NLRP14: variants seen among roughly 807,000 people sequenced by gnomAD.
The protein encoded by NLRP14 is NACHT, LRR and PYD domains-containing protein 14.
NLRP14 carries 105 observed loss-of-function variants against 94.7 expected under a neutral mutation model. The observed-to-expected ratio is 1.11, with a 90% CI of 0.95 to 1.30. The LOEUF (loss-of-function observed/expected upper bound fraction) is 1.30, where lower values mean the gene tolerates loss of function less well. Ranked by LOEUF, NLRP14 falls within the 50% of genes most tolerant of loss-of-function variation. NLRP14 has a pLI of 0.00. For missense variants in NLRP14, 1,362 were observed against 1,254.1 expected (o/e 1.09, Z -1.30); for synonymous variants, 508 against 459.9 (o/e 1.10, Z -1.34).
At chr11:7,081,543 C>T in the NLRP14 span, among the ~76,000 whole-genome samples, 5 of 151,812 alleles carry the variant, frequency 3.3e-5, no homozygotes, top group African/African-American at 1.2e-4. Context: ...ACATCTTATC[C>T]TTGTTGGCAA....
At chr11:7,077,967 G>T in the NLRP14 span, among the ~76,000 whole-genome samples, 2 of 152,072 alleles carry the variant, frequency 1.3e-5, no homozygotes, top group South Asian at 2.1e-4. Context: ...GGGGACCCTG[G>T]GGTTGTTTAA....
rs879051924 is a variant in NLRP14, at chr11:7,043,379, GT to G, written c.1355del (p.Leu452Ter). 6.2e-7 allele frequency: 1 copy of G among 1,614,160 alleles called. No individual in the cohort carries two copies. The highest frequency in any genetic ancestry group is 1.1e-5 in the South Asian group (1 of 91,074). On this transcript the variant is annotated frameshift_variant, in exon 4 of 12. Transcript: ENST00000299481. LOFTEE classifies it high-confidence loss of function. Reference sequence around the variant, plus strand: ...ACAGAGAAAATCTCAGAAGGCTTGGGTTAACTCAATCTGATGTCTCTAGTTT... The same window carrying G: ...ACAGAGAAAATCTCAGAAGGCTTGGGTAACTCAATCTGATGTCTCTAGTTT... ...FYRENLRRLG[L>X]TQSDVSSFMD...
At chr11:7,090,012 A>G in the NLRP14 span, 1 of 1,612,758 alleles carries the variant, frequency 6.2e-7, no homozygotes, top group Middle Eastern at 1.6e-4. Flanking sequence ...AGGACGGGGG[A>G]CACCGCCATC....
At chr11:7,037,349 A>G (rs537804085) in intron 1 of NLRP14, among the ~76,000 whole-genome samples, 3 of 152,310 alleles carry the variant, frequency 2.0e-5, no homozygotes, top group Non-Finnish European at 4.4e-5. Flanking sequence ...TTTCGAGACA[A>G]TTCACCTTCT....
chr11:7,088,884 A>T, the NLRP14 span: 1 of 564,670 alleles, frequency 1.8e-6, no homozygotes, highest in Non-Finnish European at 3.2e-6. Context: ...AAAGACTGAA[A>T]AGGAGACACA....
chr11:7,046,685 C>G lies in NLRP14; in HGVS notation c.1976C>G (p.Thr659Ser), dbSNP rs199475882. The change falls in exon 5 of 12, where the codon ACT (threonine) becomes AGT (serine). Residue 659 changes from threonine (T) to serine (S), a missense_variant. By Grantham distance (58) the Thr-to-Ser change is moderately conservative. Transcript: ENST00000299481. ...PTNTWDGDRI[T>S]HCWQDLCSVL... is the part of the protein sequence containing the mutation. ...ATGCAAAGGGATGGTGATCGCATTACTCACTGTTGGCAAGATCTCTGTTCT... is the reference window on the plus strand; with the variant it reads ...ATGCAAAGGGATGGTGATCGCATTAGTCACTGTTGGCAAGATCTCTGTTCT... 3 of 1,613,638 alleles carry G rather than the reference C, an allele frequency of 1.9e-6. No homozygotes were observed. The highest frequency in any genetic ancestry group is 1.1e-5 in the South Asian group (1 of 91,078).
chr11:7,062,264 A>G lies in NLRP14; in HGVS notation c.2805-69A>G, dbSNP rs1852633701. On this transcript the variant is annotated intron_variant, in intron 9 of 11. Transcript: ENST00000299481. ...AAAAGAGGTTCAAATACCTGGGTAT[A>G]TCTCCTAGGAAGAAACTTATTTAAC... 10 of 1,321,932 alleles carry G rather than the reference A, an allele frequency of 7.6e-6. 1 individual carries two copies. In the South Asian group the frequency reaches 9.4e-5, roughly 12 times the overall value. 81.9% of individuals were successfully genotyped at this position (1,321,932 alleles called of 1,614,324 possible).
At chr11:7,056,566 A>G (rs1033552316) in intron 6 of NLRP14, among the ~76,000 whole-genome samples, 2 of 151,326 alleles carry the variant, frequency 1.3e-5, no homozygotes, top group African/African-American at 4.8e-5. Context: ...TGGGAAGGAT[A>G]AGAGAAAATG....
chr11:7,041,543 G>C (rs1340984576), intron 3 of NLRP14, among the ~76,000 whole-genome samples: 1 of 152,064 alleles, frequency 6.6e-6, no homozygotes, highest in African/African-American at 2.4e-5. Context: ...AAGTTGTAAA[G>C]TACTCAATTA....
intron 2 of NLRP14, 115 bp downstream of exon 2, chr11:7,038,990 G>A: frequency 2.1e-6 from 2 of 954,454 alleles, no homozygotes; most frequent in Admixed American, 3.2e-5. Flanking sequence ...GGGGACATAA[G>A]CTCCATGGTG....
At position 7,039,731 on chromosome 11, in the gene NLRP14, G is replaced by T; in HGVS notation, c.307G>T (p.Gly103Ter). 1 of 1,613,968 alleles carries T rather than the reference G, an allele frequency of 6.2e-7. No individual in the cohort carries two copies. Among genetic ancestry groups the T allele is most frequent in the Non-Finnish European group, 8.5e-7 (1 of 1,179,870 alleles). ...EEINWSAQTI[G>*]PDDAKAGETQ... is the part of the protein sequence containing the mutation. ...TGTTGCAGGGTCGGCCCAGACTATA[G>T]GACCAGATGATGCCAAGGCTGGAGA... Residue 103 changes from glycine (G) to a stop codon, truncating the protein, a stop_gained, in exon 3 of 12, where the codon GGA (glycine) becomes TGA (stop). Transcript: ENST00000299481. LOFTEE classifies it high-confidence loss of function.
rs376413939 is a variant in NLRP14, at chr11:7,059,968, C to T, written c.2708C>T (p.Thr903Met). The T allele has an allele frequency of 4.7e-5, 76 of 1,612,392 alleles. No homozygotes were observed. The African/African-American group carries it at 9.5e-4, about 20-fold the overall frequency. ...STSLLHNKSL[T>M]HLDLGSNWLQ... ...TCTCTTCTACACAACAAGAGCCTGA[C>T]GCATCTGGATCTAGGATCAAACTGG... The change falls in exon 9 of 12, where the codon ACG becomes ATG. Residue 903 changes from threonine (T) to methionine (M), a missense_variant. Thr to Met is a moderately conservative substitution (Grantham distance 81). Coordinates refer to ENST00000299481, the MANE Select transcript of NLRP14 (RefSeq NM_176822.4).
chr11:7,020,912 G>A (rs1416558089), intron 1 of NLRP14, 142 bp downstream of exon 1: 2 of 152,370 alleles, frequency 1.3e-5, no homozygotes, highest in African/African-American at 4.8e-5. Context: ...ACGCACAGTG[G>A]AGCTGAAATG....
At chr11:7,070,139 G>A (rs1439205735) in intron 10 of NLRP14, 147 bp from the exon 11 acceptor site, 1 of 647,304 alleles carries the variant, frequency 1.5e-6, no homozygotes, top group Admixed American at 2.3e-5. Flanking sequence ...AATATTATAG[G>A]TACTTATAGT....
rs926863199 is a variant in NLRP14 at position 7,068,167 on chromosome 11, A to T, written c.2976-2119A>T. 2.6e-5 allele frequency among the ~76,000 whole-genome samples: 4 copies of T among 151,958 alleles called. No individual in the cohort carries two copies. In the East Asian group the frequency reaches 5.8e-4, roughly 22 times the overall value. On this transcript the variant is annotated intron_variant, in intron 10 of 11. Coordinates refer to ENST00000299481, the MANE Select transcript of NLRP14 (RefSeq NM_176822.4). Reference sequence around the variant, plus strand: ...GAATTTGACCATTTCTTTATTTTTTATTCAAAGAACACAACATTGATCCAC... The same window carrying T: ...GAATTTGACCATTTCTTTATTTTTTTTTCAAAGAACACAACATTGATCCAC...
intron 1 of NLRP14, among the ~76,000 whole-genome samples, chr11:7,027,224 A>G (rs1451838365): frequency 1.3e-5 from 2 of 151,300 alleles, no homozygotes; most frequent in Non-Finnish European, 2.9e-5. Context: ...CAAAACAATA[A>G]AATTTTCTGG....
chr11:7,078,462 A>AAAAAAAAAAAAAAATAAAAG, the NLRP14 span, among the ~76,000 whole-genome samples: 1 of 88,486 alleles, frequency 1.1e-5, no homozygotes, highest in Non-Finnish European at 2.0e-5. Context: ...AAAAAAAAAA[A>AAAAAAAAAAAAAAATAAAAG]CAAAAAAATT....
downstream of NLRP14, among the ~76,000 whole-genome samples, chr11:7,074,359 G>A (rs762130214): frequency 9.9e-5 from 15 of 152,206 alleles, no homozygotes; most frequent in Non-Finnish European, 2.2e-4. Context: ...GGACAGTCTT[G>A]CTAGTTAGAG....
chr11:7,086,379 A>G, the NLRP14 span, among the ~76,000 whole-genome samples: 1 of 152,204 alleles, frequency 6.6e-6, no homozygotes. Context: ...AAGGCCCTCC[A>G]GGCTTTTGCC....
Sources: gnomAD v4.1 joint callset for allele counts (sites outside exome capture counted in the v4.1 genomes callset) on GRCh38, gnomAD v4.1.1 for gene constraint, MANE v1.5 for transcripts, NCBI Gene and HGNC (gene_info 2026-07-23, HGNC 2026-07-21) for gene names.